Variants in RPTOR observed in about 807,000 individuals in gnomAD.
RPTOR encodes the protein regulatory-associated protein of mTOR.
Under a neutral mutation model 169.9 loss-of-function variants are expected in RPTOR, and 21 were observed. That is an observed-to-expected ratio of 0.12 (90% CI 0.09 to 0.18). The LOEUF is 0.18. RPTOR is among the 10% of genes least tolerant of loss of function. The pLI is 1.00. For synonymous variants in RPTOR, 732 were observed against 753.2 expected (o/e 0.97, Z 0.46); for missense variants, 1,133 against 1,855.9 (o/e 0.61, Z 7.16).
intron 11 of RPTOR, 40 bp downstream of exon 11, chr17:80,846,614 CA>C (rs760129116): frequency 2.0e-4 from 319 of 1,578,850 alleles, no homozygotes; most frequent in Non-Finnish European, 2.7e-4. Flanking sequence ...CGAGGTTCCT[CA>C]GGAAGGAAGC....
At chr17:80,893,647 CTG>C in intron 19 of RPTOR, 58 bp from the exon 20 acceptor site, 1 of 1,552,152 alleles carries the variant, frequency 6.4e-7, no homozygotes, top group South Asian at 1.2e-5. Context: ...ATGCCATTAA[CTG>C]TAAGACCAAA....
chr17:80,805,285 C>G (rs1013759968), intron 7 of RPTOR: 2 of 152,384 alleles, frequency 1.3e-5, no homozygotes, highest in African/African-American at 4.8e-5. Context: ...ACCCTCCTCC[C>G]CTCCCACCCT....
chr17:80,896,700 A>G (rs2068410613), intron 20 of RPTOR, among the ~76,000 whole-genome samples: 1 of 152,200 alleles, frequency 6.6e-6, no homozygotes, highest in East Asian at 1.9e-4. Flanking sequence ...TACATTTCAC[A>G]GTCAGGCTTT....
rs56006985 is a variant in RPTOR, at chr17:80,690,342, T to TACACACAC, written c.349-17493_349-17486dup. 1.9e-3 allele frequency among the ~76,000 whole-genome samples: 275 copies of TACACACAC among 145,428 alleles called. 1 individual carries two copies. Among genetic ancestry groups the TACACACAC allele is most frequent in the African/African-American group, 5.3e-3 (191 of 35,782 alleles). On this transcript the variant is annotated intron_variant, in intron 3 of 33. Transcript: ENST00000306801. The stretch of plus-strand genomic sequence containing the variant: ...ATGCTTCTAAACACACACACACACA[T>TACACACAC]ACACACACACACAATGTTTGTTTGA...
chr17:80,927,022 G>A (rs535212787), intron 24 of RPTOR, among the ~76,000 whole-genome samples: 5 of 152,296 alleles, frequency 3.3e-5, no homozygotes, highest in African/African-American at 9.6e-5. Flanking sequence ...TGAGGGTGGC[G>A]GCCCCTGCAG....
Position 80,823,038 on chromosome 17 carries a change from A to T in RPTOR, c.992-41A>T, listed in dbSNP as rs1255832713. The T allele has an allele frequency of 6.3e-7, 1 of 1,590,132 alleles. No individual in the cohort carries two copies. The highest frequency in any genetic ancestry group is 8.6e-7 in the Non-Finnish European group (1 of 1,167,760). On this transcript the variant is annotated intron_variant, in intron 8 of 33. Transcript: ENST00000306801. This position sits in a 1 kb window ranked among gnomAD's most constrained non-coding sequence, Gnocchi z 4.5. ...GTATTTGGCTTTAAATGCTAGACACAAGTCACTGTAGACTCCTTTTTATCT... is the reference window on the plus strand; with the variant it reads ...GTATTTGGCTTTAAATGCTAGACACTAGTCACTGTAGACTCCTTTTTATCT...
intron 1 of RPTOR, among the ~76,000 whole-genome samples, chr17:80,564,006 G>T (rs551246745): frequency 6.6e-6 from 1 of 152,256 alleles, no homozygotes; most frequent in Non-Finnish European, 1.5e-5. Flanking sequence ...TGGACATTTG[G>T]GTGGTTTCCA....
intron 3 of RPTOR, among the ~76,000 whole-genome samples, chr17:80,690,573 C>G (rs59319557): frequency 8.8e-4 from 134 of 151,748 alleles, no homozygotes; most frequent in African/African-American, 2.9e-3. Context: ...GGCTTCTCCC[C>G]CCTTGCCCTG....
intron 7 of RPTOR, among the ~76,000 whole-genome samples, chr17:80,793,618 C>T (rs1368590297): frequency 1.4e-4 from 21 of 152,146 alleles, no homozygotes; most frequent in Admixed American, 1.2e-3. Flanking sequence ...GCTGTCCCAT[C>T]CCCCCTGGTC....
intron 1 of RPTOR, among the ~76,000 whole-genome samples, chr17:80,602,092 C>T (rs2065191470): frequency 1.6e-5 from 1 of 60,760 alleles, no homozygotes; most frequent in Non-Finnish European, 3.7e-5. Context: ...GCACACCTCC[C>T]AGACGGGGTG....
At chr17:80,777,503 C>T (rs2066902961) in intron 6 of RPTOR, among the ~76,000 whole-genome samples, 1 of 151,690 alleles carries the variant, frequency 6.6e-6, no homozygotes, top group Non-Finnish European at 1.5e-5. Context: ...TCCCTAACGA[C>T]TAATGACATC....
chr17:80,595,386 G>A (rs1394019182), intron 1 of RPTOR, among the ~76,000 whole-genome samples: 2 of 152,198 alleles, frequency 1.3e-5, no homozygotes, highest in African/African-American at 2.4e-5. Context: ...TTGTGAGGAC[G>A]TGCCTGTTCT....
intron 1 of RPTOR, among the ~76,000 whole-genome samples, chr17:80,560,221 C>A (rs1176956432): frequency 6.6e-6 from 1 of 152,212 alleles, no homozygotes; most frequent in Non-Finnish European, 1.5e-5. Context: ...CTTGGCTGAG[C>A]TCCTAGCTGG....
intron 6 of RPTOR, among the ~76,000 whole-genome samples, chr17:80,759,053 G>A (rs939279998): frequency 1.3e-5 from 2 of 151,704 alleles, no homozygotes; most frequent in African/African-American, 4.9e-5. Context: ...GCGCACAGCT[G>A]TGCACTCCCA....
At chr17:80,625,876 G>T (rs1391116868) in intron 2 of RPTOR, 83 bp downstream of exon 2, 4 of 919,238 alleles carry the variant, frequency 4.4e-6, no homozygotes, top group African/African-American at 3.2e-5. Context: ...CCTGTGGTCT[G>T]GTCCAGGGGC....
At chr17:80,795,060 A>G (rs1250091022) in intron 7 of RPTOR, among the ~76,000 whole-genome samples, 2 of 152,238 alleles carry the variant, frequency 1.3e-5, no homozygotes, top group Non-Finnish European at 1.5e-5. Context: ...AAAGTAATAC[A>G]TAATGTAGGG....
chr17:80,798,031 C>G (rs1000855729), intron 7 of RPTOR, among the ~76,000 whole-genome samples: 1 of 152,226 alleles, frequency 6.6e-6, no homozygotes, highest in Non-Finnish European at 1.5e-5. Context: ...TATTTCCCTT[C>G]ACTGAACATG....
intron 25 of RPTOR, among the ~76,000 whole-genome samples, chr17:80,945,401 T>G (rs547292539): frequency 6.4e-4 from 97 of 151,930 alleles, no homozygotes; most frequent in East Asian, 2.3e-3. Context: ...GACCATCCTG[T>G]CTAACACGGT....
At position 80,947,168 on chromosome 17, in the gene RPTOR, C is replaced by T; in HGVS notation, c.3141-59C>T. On this transcript the variant is annotated intron_variant, in intron 26 of 33. Transcript: ENST00000306801. The surrounding 1 kb of genome is among the most constrained non-coding windows in gnomAD (Gnocchi z 4.4). ...CCGGTGGGTTTCAGGAGGTATCTCA[C>T]TGTCATTTGGGTTTGCAGTTTCCTA... 1 of 1,476,054 alleles carries T rather than the reference C, an allele frequency of 6.8e-7. No individual in the cohort carries two copies. The highest frequency in any genetic ancestry group is 2.5e-5 in the East Asian group (1 of 39,390). The allele number at this position is 1,476,054 out of a possible 1,614,324, so 91.4% of individuals were successfully genotyped here.
Sources: allele counts gnomAD v4.1 joint callset (sites outside exome capture counted in the v4.1 genomes callset), GRCh38; gene constraint gnomAD v4.1.1; non-coding constraint Gnocchi (gnomAD v3.1); transcripts MANE v1.5; gene names NCBI Gene and HGNC (gene_info 2026-07-23, HGNC 2026-07-21).